Variants in ANKS1B observed in about 807,000 individuals in gnomAD.
ANKS1B encodes ankyrin repeat and sterile alpha motif domain-containing protein 1B.
ANKS1B carries 36 observed loss-of-function variants against 148.3 expected under a neutral mutation model. The ratio of observed to expected loss-of-function variants is 0.24; its 90% confidence interval spans 0.19 to 0.32. ANKS1B has a LOEUF of 0.32. ANKS1B is among the 10% of genes least tolerant of loss of function. ANKS1B has a pLI of 1.00. For synonymous variants in ANKS1B, 542 were observed against 560.8 expected (o/e 0.97, Z 0.47); for missense variants, 1,157 against 1,542.6 (o/e 0.75, Z 4.19).
chr12:99,184,017 T>C (rs1348210341), intron 14 of ANKS1B, among the ~76,000 whole-genome samples: 2 of 152,168 alleles, frequency 1.3e-5, no homozygotes, highest in South Asian at 2.1e-4. Context: ...AAAAAAGACA[T>C]AGTCTTGAAG....
intron 17 of ANKS1B, among the ~76,000 whole-genome samples, chr12:99,003,105 G>C (rs899032893): frequency 2.0e-5 from 3 of 152,094 alleles, no homozygotes; most frequent in Non-Finnish European, 4.4e-5. Flanking sequence ...TTTGCCCATT[G>C]TATATTCTTG....
intron 10 of ANKS1B, among the ~76,000 whole-genome samples, chr12:99,462,133 A>C (rs1361864735): frequency 9.2e-5 from 14 of 152,172 alleles, no homozygotes; most frequent in Admixed American, 9.2e-4. Flanking sequence ...TTGACACTTT[A>C]ATGTACCACC....
At chr12:99,592,449 C>A (rs1336665079) in intron 9 of ANKS1B, among the ~76,000 whole-genome samples, 1 of 148,208 alleles carries the variant, frequency 6.7e-6, no homozygotes, top group East Asian at 2.0e-4. Flanking sequence ...AAAGAGGAAT[C>A]TGACCTAGTG....
intron 10 of ANKS1B, among the ~76,000 whole-genome samples, chr12:99,493,641 G>A (rs937655129): frequency 6.6e-6 from 1 of 152,142 alleles, no homozygotes; most frequent in African/African-American, 2.4e-5. Context: ...AATTGATAGG[G>A]AGGTTGCAAT....
intron 1 of ANKS1B, among the ~76,000 whole-genome samples, chr12:99,899,495 G>A (rs2153765342): frequency 6.6e-6 from 1 of 152,174 alleles, no homozygotes; most frequent in Admixed American, 6.5e-5. Context: ...ACAGAATATA[G>A]ATCCATCTCT....
At chr12:99,520,602 T>C (rs1259651340) in intron 9 of ANKS1B, among the ~76,000 whole-genome samples, 1 of 152,344 alleles carries the variant, frequency 6.6e-6, no homozygotes, top group East Asian at 1.9e-4. Flanking sequence ...TACTTGAATG[T>C]TGATATCTTT....
intron 10 of ANKS1B, among the ~76,000 whole-genome samples, chr12:99,484,535 C>G (rs527584436): frequency 6.6e-6 from 1 of 151,800 alleles, no homozygotes; most frequent in Non-Finnish European, 1.5e-5. Flanking sequence ...TTTAAGTCCA[C>G]CGTTTCTTTG....
intron 1 of ANKS1B, among the ~76,000 whole-genome samples, chr12:99,858,045 T>G (rs998386596): frequency 1.3e-5 from 2 of 151,972 alleles, no homozygotes; most frequent in Non-Finnish European, 2.9e-5. Context: ...GGGACTTAAT[T>G]AAACCAAAAA....
chr12:99,022,596 T>A (rs1392955069), intron 17 of ANKS1B, among the ~76,000 whole-genome samples: 5 of 152,172 alleles, frequency 3.3e-5, no homozygotes, highest in African/African-American at 1.2e-4. Context: ...GAACTCTAGT[T>A]CAATGTTGAA....
At chr12:98,938,297 C>G (rs1250795659) in intron 17 of ANKS1B, among the ~76,000 whole-genome samples, 1 of 152,160 alleles carries the variant, frequency 6.6e-6, no homozygotes, top group African/African-American at 2.4e-5. Context: ...AGTGGAATAT[C>G]TTTATTAAAA....
chr12:99,774,229 T>C (rs554942059), intron 7 of ANKS1B, among the ~76,000 whole-genome samples: 16 of 152,114 alleles, frequency 1.1e-4, no homozygotes, highest in Non-Finnish European at 7.4e-5. Flanking sequence ...TTGCAAACCA[T>C]AGATCTGGTA....
intron 25 of ANKS1B, among the ~76,000 whole-genome samples, chr12:98,752,565 C>T (rs2098122560): frequency 2.0e-5 from 3 of 152,116 alleles, no homozygotes; most frequent in Admixed American, 6.5e-5. Flanking sequence ...TCCACGGGTG[C>T]ATCTTTAAGC....
At chr12:99,195,066 G>A (rs2081228802) in intron 14 of ANKS1B, among the ~76,000 whole-genome samples, 1 of 152,126 alleles carries the variant, frequency 6.6e-6, no homozygotes, top group African/African-American at 2.4e-5. Flanking sequence ...AAAAAAAGTG[G>A]CATGAAATAA....
chr12:99,411,959 C>T lies in ANKS1B; in HGVS notation c.1576-12148G>A, dbSNP rs142568847. Among the ~76,000 whole-genome samples the T allele has an allele frequency of 3.7e-4, 56 of 152,254 alleles. No individual in the cohort carries two copies. In the East Asian group the frequency reaches 7.9e-3, roughly 21 times the overall value. ...GACCATTATCAGCTGTGTGGTCAGG[C>T]GCTGTTGTAGCCTCTGGGGATACAT... On this transcript the variant is annotated intron_variant, in intron 11 of 26. Coordinates refer to ENST00000683438, the MANE Select transcript of ANKS1B (RefSeq NM_001352186.2).
chr12:99,534,139 T>C (rs939389166), intron 9 of ANKS1B, among the ~76,000 whole-genome samples: 4 of 152,188 alleles, frequency 2.6e-5, no homozygotes, highest in Non-Finnish European at 5.9e-5. Flanking sequence ...ACAAATAATA[T>C]CATTGTTTAA....
chr12:99,355,718 CTTT>C (rs1437072348), intron 12 of ANKS1B, among the ~76,000 whole-genome samples: 1 of 152,236 alleles, frequency 6.6e-6, no homozygotes, highest in East Asian at 1.9e-4. Context: ...GAATATTTTT[CTTT>C]AATACATTAC....
intron 9 of ANKS1B, among the ~76,000 whole-genome samples, chr12:99,561,830 T>C (rs571552217): frequency 2.0e-5 from 3 of 152,328 alleles, no homozygotes; most frequent in South Asian, 2.1e-4. Flanking sequence ...AATGTTGATA[T>C]GTTGACCTCC....
At position 99,425,324 on chromosome 12, in the gene ANKS1B, A is replaced by G. The variant is rs1292929814; in HGVS notation, c.1575+18349T>C. ...CTTTCAAATAATTTTTAATATTTTT[A>G]ATATTCTATCTTCCATTCAAACAAA... On this transcript the variant is annotated intron_variant, in intron 11 of 26. Coordinates refer to ENST00000683438, the MANE Select transcript of ANKS1B (RefSeq NM_001352186.2). 2.6e-5 allele frequency among the ~76,000 whole-genome samples: 4 copies of G among 151,930 alleles called. No homozygotes were observed. In the East Asian group the frequency reaches 5.8e-4, roughly 22 times the overall value.
intron 9 of ANKS1B, among the ~76,000 whole-genome samples, chr12:99,644,045 T>C (rs999282560): frequency 6.6e-6 from 1 of 152,184 alleles, no homozygotes; most frequent in Non-Finnish European, 1.5e-5. Flanking sequence ...TCACAATTTA[T>C]CTCTTTCCTC....
Sources: gnomAD v4.1 joint callset for allele counts (sites outside exome capture counted in the v4.1 genomes callset) on GRCh38, gnomAD v4.1.1 for gene constraint, MANE v1.5 for transcripts, NCBI Gene and HGNC (gene_info 2026-07-23, HGNC 2026-07-21) for gene names.